The following SRP54 variants were observed in gnomAD, a reference collection of about 807,000 sequenced individuals.
SRP54 encodes the protein signal recognition particle 54, also known as signal recognition particle subunit SRP54.
A neutral mutation model predicts 64.8 loss-of-function variants in SRP54; 10 were observed. That is an observed-to-expected ratio of 0.15 (90% CI 0.10 to 0.26). The LOEUF (loss-of-function observed/expected upper bound fraction) is 0.26, where lower values mean the gene tolerates loss of function less well. SRP54 is among the 10% of genes least tolerant of loss of function. The pLI is 1.00. For synonymous variants in SRP54, 193 were observed against 185.6 expected, an observed-to-expected ratio of 1.04 and a Z score of -0.32; for missense variants, 325 against 613.7, an observed-to-expected ratio of 0.53 and a Z score of 4.97.
intron 11 of SRP54, among the ~76,000 whole-genome samples, chr14:35,016,625 T>C (rs2044442563): frequency 6.6e-6 from 1 of 152,186 alleles, no homozygotes; most frequent in Non-Finnish European, 1.5e-5. Context: ...CTGACAGATG[T>C]TTCTATCACT....
chr14:35,023,671 C>G (rs1435900266), intron 14 of SRP54, among the ~76,000 whole-genome samples: 1 of 151,818 alleles, frequency 6.6e-6, no homozygotes, highest in East Asian at 1.9e-4. Context: ...GTTATCCCAG[C>G]TACTCGGGAG....
At chr14:35,007,537 TATAA>T (rs1412463480) in intron 5 of SRP54, 150 bp downstream of exon 5, 10 of 201,120 alleles carry the variant, frequency 5.0e-5, no homozygotes, top group South Asian at 1.9e-4. Context: ...ATTTATATAT[TATAA>T]ATAATGTTAT....
chr14:34,993,773 G>A (rs761317808), intron 1 of SRP54, among the ~76,000 whole-genome samples: 15 of 151,044 alleles, frequency 9.9e-5, no homozygotes, highest in Non-Finnish European at 2.2e-4. Flanking sequence ...CCAGCTCACC[G>A]CAATCTCCAC....
At chr14:35,013,699 T>G (rs1331737678) in intron 9 of SRP54, 103 bp from the exon 10 acceptor site, 2 of 1,150,982 alleles carry the variant, frequency 1.7e-6, no homozygotes, top group Non-Finnish European at 2.5e-6. Flanking sequence ...GTTTTGTACC[T>G]TTGTCTAATT....
At chr14:34,993,798 C>T (rs971043302) in intron 1 of SRP54, among the ~76,000 whole-genome samples, 12 of 151,676 alleles carry the variant, frequency 7.9e-5, no homozygotes, top group African/African-American at 1.9e-4. Flanking sequence ...CGGGTTCAAG[C>T]GATTCACCTG....
rs777914961 is a variant in SRP54, at chr14:34,996,723, A to G, written c.14A>G (p.Asp5Gly). The G allele has an allele frequency of 6.2e-7, 1 of 1,613,270 alleles. No individual in the cohort carries two copies. Among genetic ancestry groups the G allele is most frequent in the South Asian group, 1.1e-5 (1 of 91,072 alleles). ...AAAGCTGTCAAGATGGTTCTAGCAG[A>G]CCTTGGAAGAAAAATAACATCAGCA... Reference protein sequence around the residue: MVLADLGRKITSALR... With the variant: MVLAGLGRKITSALR... The change falls in exon 2 of 16, where the codon GAC becomes GGC. Residue 5 changes from aspartate to glycine, a missense_variant. Asp to Gly is a moderately conservative substitution (Grantham distance 94, BLOSUM62 -1). Transcript: ENST00000216774.
chr14:34,989,228 G>C (rs539803615), intron 1 of SRP54, among the ~76,000 whole-genome samples: 1 of 152,138 alleles, frequency 6.6e-6, no homozygotes, highest in Non-Finnish European at 1.5e-5. Context: ...TTGGCCAGGT[G>C]CAGTGGCTCA....
chr14:35,006,336 A>G (rs1476531536), intron 4 of SRP54, among the ~76,000 whole-genome samples: 1 of 152,186 alleles, frequency 6.6e-6, no homozygotes, highest in Non-Finnish European at 1.5e-5. Flanking sequence ...TGTTAAGTAA[A>G]TATTTGTCAA....
intron 4 of SRP54, among the ~76,000 whole-genome samples, chr14:35,004,371 T>C (rs2044225145): frequency 6.6e-6 from 1 of 152,350 alleles, no homozygotes; most frequent in Admixed American, 6.5e-5. Context: ...TTTTTGATTA[T>C]GTATAGTGAA....
At position 35,011,659 on chromosome 14, in the gene SRP54, A is replaced by G. The variant is rs140228686; in HGVS notation, c.636A>G (p.Ile212Met). ...FEEMLQVANA[I>M]QPDNIVYVMD... ...AAATGCTTCAAGTTGCTAATGCTAT[A>G]GTAAGTAGCTTTCAATGTAACACTA... Residue 212 changes from isoleucine (I) to methionine (M), a missense_variant and splice_region_variant, in exon 8 of 16, where the codon ATA (isoleucine) becomes ATG (methionine). Physicochemically the swap from Ile to Met is conservative, Grantham distance 10 (BLOSUM62 1). Transcript: ENST00000216774. 1.3e-6 allele frequency: 2 copies of G among 1,534,822 alleles called. No homozygotes were observed. Among genetic ancestry groups the G allele is most frequent in the Admixed American group, 1.9e-5 (1 of 53,340 alleles).
chr14:35,000,941 C>A lies in SRP54; in HGVS notation c.176C>A (p.Ala59Asp). The A allele has an allele frequency of 1.3e-6, 2 of 1,578,074 alleles. No individual in the cohort carries two copies. The highest frequency in any genetic ancestry group is 2.4e-5 in the South Asian group (2 of 84,566). The stretch of plus-strand genomic sequence containing the variant: ...CACCAACCACCATCATAAAGGTCTG[C>A]TATTGATCTTGAAGAGATGGCATCT... The part of the protein sequence containing the change: ...VKQLRENVKS[A>D]IDLEEMASGL... Residue 59 changes from alanine (A) to aspartate (D), a missense_variant, in exon 4 of 16, where the codon GCT becomes GAT. Physicochemically the swap from Ala to Asp is moderately radical, Grantham distance 126. This residue lies in a region of SRP54 where 156 missense variants were observed against 254.6 expected (regional missense o/e 0.61). Coordinates refer to ENST00000216774, the MANE Select transcript of SRP54 (RefSeq NM_003136.4).
chr14:35,006,503 T>C (rs2044260542), intron 4 of SRP54, among the ~76,000 whole-genome samples: 1 of 152,180 alleles, frequency 6.6e-6, no homozygotes, highest in African/African-American at 2.4e-5. Flanking sequence ...ATGTAAAATA[T>C]CTCATTAATT....
Position 35,029,127 on chromosome 14 carries a change from G to C in SRP54, c.1490G>C (p.Gly497Ala), listed in dbSNP as rs1253304288. The change falls in exon 16 of 16, where the codon GGC becomes GCC. Residue 497 changes from glycine to alanine, a missense_variant. By Grantham distance (60) the Gly-to-Ala change is moderately conservative. Around this residue, in one of 3 missense-constraint regions of SRP54, gnomAD observed 23 missense variants for 21.7 expected, o/e 1.06. Coordinates refer to ENST00000216774, the MANE Select transcript of SRP54 (RefSeq NM_003136.4). ...FQQGAAGNMK[G>A]MMGFNNM ...CAGGGTGCTGCTGGCAACATGAAAG[G>C]CATGATGGGATTCAATAATATGTAA... The C allele has an allele frequency of 1.2e-6, 2 of 1,613,764 alleles. No homozygotes were observed. Among genetic ancestry groups the C allele is most frequent in the South Asian group, 1.1e-5 (1 of 91,034 alleles).
chr14:34,984,307 G>A (rs1049582104), intron 1 of SRP54, among the ~76,000 whole-genome samples: 1 of 152,126 alleles, frequency 6.6e-6, no homozygotes, highest in African/African-American at 2.4e-5. Flanking sequence ...GTGCCATGGA[G>A]AAAGGGAAAG....
At chr14:35,021,948 C>T (rs1030131807) in intron 13 of SRP54, among the ~76,000 whole-genome samples, 1 of 152,144 alleles carries the variant, frequency 6.6e-6, no homozygotes. Context: ...AAGAAATGCA[C>T]CTGATATTCT....
chr14:35,008,293 G>C (rs6571692), intron 5 of SRP54, among the ~76,000 whole-genome samples: 4 of 151,642 alleles, frequency 2.6e-5, no homozygotes, highest in Non-Finnish European at 4.4e-5. Flanking sequence ...CAAGCTTCAC[G>C]TATGTTACAG....
chr14:34,985,693 A>C (rs2043884464), intron 1 of SRP54, among the ~76,000 whole-genome samples: 1 of 152,234 alleles, frequency 6.6e-6, no homozygotes, highest in Non-Finnish European at 1.5e-5. Context: ...TAAATACTTA[A>C]TATAGTGATT....
rs1166460247 is a variant in SRP54, at chr14:35,023,094, GCTTGTTATTAGTTAACAGA to G, written c.1327+16_1327+34del. The stretch of plus-strand genomic sequence containing the variant: ...GACTTTTCAAAGGTAAGAAAAATAA[GCTTGTTATTAGTTAACAGA>G]CGGAAAAGAAAGGAAGTTGAGAAAA... On this transcript the variant is annotated intron_variant, in intron 14 of 15. Transcript: ENST00000216774. The G allele has an allele frequency of 1.3e-5, 14 of 1,050,462 alleles. No homozygotes were observed. In the African/African-American group the frequency reaches 2.1e-4, roughly 16 times the overall value. The allele number at this position is 1,050,462 out of a possible 1,614,324, so 65.1% of individuals were successfully genotyped here. A position where few individuals can be genotyped will look rare whatever the true frequency, so the allele number is the denominator to read the frequency against.
At chr14:34,988,560 CAAAA>C (rs1160365086) in intron 1 of SRP54, among the ~76,000 whole-genome samples, 4 of 26,362 alleles carry the variant, frequency 1.5e-4, no homozygotes, top group Admixed American at 8.0e-4. Context: ...GACTCCATCT[CAAAA>C]AAAAAAAAAA....
Sources: allele counts gnomAD v4.1 joint callset (sites outside exome capture counted in the v4.1 genomes callset), GRCh38; gene constraint gnomAD v4.1.1; regional missense constraint gnomAD v4.1.1; transcripts MANE v1.5; gene names NCBI Gene and HGNC (gene_info 2026-07-23, HGNC 2026-07-21).